RSPH10B2: variants seen among roughly 807,000 people sequenced by gnomAD.
RSPH10B2 encodes the protein radial spoke head 10 homolog B2 (Chlamydomonas).
RSPH10B2 carries 9 observed loss-of-function variants against 49.0 expected under a neutral mutation model. That is an observed-to-expected ratio of 0.18 (90% CI 0.11 to 0.32). The LOEUF (loss-of-function observed/expected upper bound fraction) is 0.32. Ranked by LOEUF, RSPH10B2 falls within the 10% of genes least tolerant of loss-of-function variation. The pLI is 1.00. For synonymous variants in RSPH10B2, 35 were observed against 210.2 expected, an observed-to-expected ratio of 0.17 and a Z score of 7.21; for missense variants, 95 against 589.9, an observed-to-expected ratio of 0.16 and a Z score of 8.69.
chr7:6,769,668 A>G, intron 7 of RSPH10B2, among the ~76,000 whole-genome samples: 1 of 117,542 alleles, frequency 8.5e-6, no homozygotes, highest in Non-Finnish European at 1.8e-5. Context: ...AGCTCGCTGC[A>G]ACCTCTGCCT....
chr7:6,753,605 T>TG (rs1780969342), upstream of RSPH10B2: 1 of 17,422 alleles, frequency 5.7e-5, no homozygotes, highest in Non-Finnish European at 1.1e-4. Context: ...TATGTTACAA[T>TG]GTAATAATAG....
upstream of RSPH10B2, chr7:6,753,159 T>TG (rs1323638046): frequency 4.3e-6 from 1 of 234,078 alleles, no homozygotes; most frequent in Admixed American, 5.6e-5. Flanking sequence ...GAGGCTGCCT[T>TG]GCTGGTTTTG....
At chr7:6,785,851 T>G (rs1468105311) in intron 13 of RSPH10B2, 98 bp from the exon 16 acceptor site, 1 of 1,331,342 alleles carries the variant, frequency 7.5e-7, no homozygotes, top group Non-Finnish European at 1.1e-6. Context: ...AGATATTAAT[T>G]TCTGGTATAC....
chr7:6,796,239 A>G (rs1255664839), intron 17 of RSPH10B2, among the ~76,000 whole-genome samples: 4 of 116,920 alleles, frequency 3.4e-5, no homozygotes, highest in East Asian at 2.3e-4. Context: ...ACTTGAACCC[A>G]GGAGGTGGAG....
upstream of RSPH10B2, among the ~76,000 whole-genome samples, chr7:6,756,226 C>T (rs2115393302): frequency 7.1e-6 from 1 of 140,582 alleles, no homozygotes; most frequent in East Asian, 2.1e-4. Context: ...GCCAAGATCG[C>T]ACCACCGCAC....
intron 10 of RSPH10B2, 48 bp downstream of exon 12, chr7:6,776,594 A>T (rs1781745599): frequency 3.9e-5 from 1 of 25,932 alleles, no homozygotes; most frequent in Non-Finnish European, 7.5e-5. Context: ...GCAGAGGACC[A>T]GGCCGGGCAC....
intron 11 of RSPH10B2, among the ~76,000 whole-genome samples, chr7:6,779,974 A>ATT (rs769877980): frequency 2.9e-4 from 32 of 110,068 alleles, no homozygotes; most frequent in African/African-American, 4.1e-4. Context: ...TGCCTGGCTA[A>ATT]TTTTTTTTTT....
At chr7:6,781,396 T>G in exon 13 of RSPH10B2, 1 of 1,294,640 alleles carries the variant, frequency 7.7e-7, no homozygotes, top group Non-Finnish European at 1.0e-6. Flanking sequence ...CTGGGAGATT[T>G]ATCTCGCTTA....
At chr7:6,766,479 A>AT (rs1426523758) in intron 5 of RSPH10B2, among the ~76,000 whole-genome samples, 5 of 86,016 alleles carry the variant, frequency 5.8e-5, no homozygotes, top group Non-Finnish European at 1.1e-4. Context: ...AGCTGGGCTA[A>AT]TTTTTTATTT....
chr7:6,756,271 A>AAAATAAATAAATAAATAAATAAATAAAT (rs202239780), upstream of RSPH10B2, among the ~76,000 whole-genome samples: 1 of 120,446 alleles, frequency 8.3e-6, no homozygotes, highest in African/African-American at 3.6e-5. Context: ...CTCCGTCTCA[A>AAAATAAATAAATAAATAAATAAATAAAT]AAATAAATAA....
intron 4 of RSPH10B2, among the ~76,000 whole-genome samples, chr7:6,764,717 T>G (rs1781401395): frequency 7.0e-6 from 1 of 142,792 alleles, no homozygotes; most frequent in African/African-American, 2.5e-5. Context: ...GTTGTGTGTG[T>G]GTGTGTGTGT....
intron 18 of RSPH10B2, among the ~76,000 whole-genome samples, chr7:6,797,255 A>C: frequency 7.0e-6 from 1 of 142,888 alleles, no homozygotes; most frequent in East Asian, 2.0e-4. Flanking sequence ...GTGATCTGCC[A>C]GCCTTGGCCT....
At chr7:6,796,431 C>A (rs1248378594) in intron 17 of RSPH10B2, 137 bp from the exon 20 acceptor site, 1 of 586,750 alleles carries the variant, frequency 1.7e-6, no homozygotes. Context: ...ATGGAAGCAG[C>A]GTCCTTACTC....
At position 6,769,752 on chromosome 7, in the gene RSPH10B2, C is replaced by A. The variant is rs370661585; in HGVS notation, c.957+986C>A. On this transcript the variant is annotated intron_variant, in intron 7 of 18. Coordinates refer to ENST00000297186, the Ensembl canonical transcript of RSPH10B2. Reference sequence around the variant, plus strand: ...TACAGGTGTGCGCCACCACGCCCGGCTCTTTTTTTTTTTTTTTTTTTTTTT... The same window carrying A: ...TACAGGTGTGCGCCACCACGCCCGGATCTTTTTTTTTTTTTTTTTTTTTTT... Among the ~76,000 whole-genome samples, 131 of 103,958 alleles carry A rather than the reference C, an allele frequency of 1.3e-3. 4 individuals are homozygous for A. In the East Asian group the frequency reaches 0.022, roughly 18 times the overall value. 68.2% of individuals were successfully genotyped at this position (103,958 alleles called of 152,430 possible). A position where few individuals can be genotyped will look rare whatever the true frequency, so the allele number is the denominator to read the frequency against.
chr7:6,781,182 G>A, intron 12 of RSPH10B2, 146 bp from the exon 15 acceptor site: 3 of 679,576 alleles, frequency 4.4e-6, no homozygotes, highest in East Asian at 4.0e-5. Context: ...AGGTTGCAGC[G>A]AGCCAAGATG....
At position 6,796,830 on chromosome 7, in the gene RSPH10B2, G is replaced by C; in HGVS notation, c.2432+64G>C. 8.5e-6 allele frequency: 10 copies of C among 1,171,798 alleles called. 3 individuals carry two copies. Among genetic ancestry groups the C allele is most frequent in the Non-Finnish European group, 1.1e-5 (10 of 901,444 alleles). The allele number at this position is 1,171,798 out of a possible 1,614,324, so 72.6% of individuals were successfully genotyped here. A position where few individuals can be genotyped will look rare whatever the true frequency, so the allele number is the denominator to read the frequency against. ...CGCTCTCTTCCTGTCTTCCGTAGCT[G>C]CCAGAACGCATCAGGACCAAGTGCT... On this transcript the variant is annotated intron_variant, in intron 18 of 18. Coordinates refer to ENST00000297186, the Ensembl canonical transcript of RSPH10B2.
intron 13 of RSPH10B2, among the ~76,000 whole-genome samples, chr7:6,785,150 TG>T (rs1782099671): frequency 2.2e-5 from 1 of 45,588 alleles, no homozygotes; most frequent in African/African-American, 9.0e-5. Flanking sequence ...TACGTGTGTG[TG>T]TGTGTGTGTG....
Position 6,798,660 on chromosome 7 carries a change from G to GC in RSPH10B2, c.*118dup. ...GTTTTAACATACCCCTTGGCCCACT[G>GC]CATCTCAGGTTTCCTACATGGCTGG... On this transcript the variant is annotated 3_prime_UTR_variant, in exon 19 of 19. Transcript: ENST00000297186. The GC allele has an allele frequency of 2.7e-5, 7 of 259,254 alleles. 2 individuals are homozygous for GC. The highest frequency in any genetic ancestry group is 4.1e-5 in the Non-Finnish European group (7 of 171,272). The allele number at this position is 259,254 out of a possible 1,614,324, so 16.1% of individuals were successfully genotyped here.
intron 17 of RSPH10B2, among the ~76,000 whole-genome samples, chr7:6,796,046 A>G (rs1174619951): frequency 6.9e-6 from 1 of 144,004 alleles, no homozygotes; most frequent in Non-Finnish European, 1.5e-5. Flanking sequence ...GTGGCTGGGC[A>G]CAGTGGCTCA....
Sources: gnomAD v4.1 joint callset for allele counts (sites outside exome capture counted in the v4.1 genomes callset) on GRCh38, gnomAD v4.1.1 for gene constraint, MANE v1.5 for transcripts, NCBI Gene and HGNC (gene_info 2026-07-23, HGNC 2026-07-21) for gene names.